IQCM: variants seen among roughly 807,000 people sequenced by gnomAD.
The protein encoded by IQCM is IQ motif containing M, also known as IQ domain-containing protein M.
IQCM carries 45 observed loss-of-function variants against 57.6 expected under a neutral mutation model. The observed-to-expected ratio is 0.78, with a 90% CI of 0.62 to 1.00. The LOEUF is 1.00. Among genes scored for constraint, IQCM ranks in the 50% least tolerant of loss-of-function variants. The pLI is 0.00. For synonymous variants in IQCM, 148 were observed against 158.9 expected (o/e 0.93, Z 0.51); for missense variants, 468 against 511.6 (o/e 0.91, Z 0.82).
At chr4:149,731,489 T>C (rs951174356) in intron 5 of IQCM, among the ~76,000 whole-genome samples, 3 of 152,222 alleles carry the variant, frequency 2.0e-5, no homozygotes, top group East Asian at 3.9e-4. Flanking sequence ...CATTTTGTTA[T>C]AGCAGCAAGA....
chr4:149,791,998 G>A (rs1165744763), intron 2 of IQCM, among the ~76,000 whole-genome samples: 2 of 152,100 alleles, frequency 1.3e-5, no homozygotes, highest in African/African-American at 2.4e-5. Flanking sequence ...GCTAACCAGA[G>A]ACTAAACTGA....
intron 12 of IQCM, among the ~76,000 whole-genome samples, chr4:149,526,637 T>C (rs1746191478): frequency 1.3e-5 from 2 of 151,966 alleles, no homozygotes; most frequent in African/African-American, 4.8e-5. Context: ...GTTTAATGTA[T>C]AAATATACTA....
At chr4:149,766,397 C>G (rs1251055541) in intron 2 of IQCM, among the ~76,000 whole-genome samples, 1 of 152,108 alleles carries the variant, frequency 6.6e-6, no homozygotes, top group African/African-American at 2.4e-5. Flanking sequence ...TAGACTGCTG[C>G]TAAAAATTTC....
intron 9 of IQCM, among the ~76,000 whole-genome samples, chr4:149,574,648 C>G (rs1751472434): frequency 6.6e-6 from 1 of 151,900 alleles, no homozygotes; most frequent in Admixed American, 6.6e-5. Context: ...CTGAGCTTGG[C>G]AAACATTTGA....
chr4:149,661,827 G>T (rs1256499418), intron 7 of IQCM, among the ~76,000 whole-genome samples: 2 of 151,850 alleles, frequency 1.3e-5, no homozygotes, highest in African/African-American at 2.4e-5. Flanking sequence ...ATTTTATTTA[G>T]TTGAGTCTTC....
chr4:149,643,842 G>A lies in IQCM; in HGVS notation c.566-22598C>T, dbSNP rs1758415391. 3.9e-5 allele frequency among the ~76,000 whole-genome samples: 6 copies of A among 152,274 alleles called. No homozygotes were observed. The South Asian group carries it at 1.2e-3, about 32-fold the overall frequency. On this transcript the variant is annotated intron_variant, in intron 7 of 13. Coordinates refer to ENST00000636793, the MANE Select transcript of IQCM (RefSeq NM_001363507.2). ...AATCTCTCCAGTGGGTTACACTTTAGATTCTTGCTTTAATTCCTGGGTTTA... is the reference window on the plus strand; with the variant it reads ...AATCTCTCCAGTGGGTTACACTTTAAATTCTTGCTTTAATTCCTGGGTTTA...
intron 9 of IQCM, among the ~76,000 whole-genome samples, chr4:149,571,499 T>G (rs567489961): frequency 1.3e-5 from 2 of 152,044 alleles, no homozygotes; most frequent in Non-Finnish European, 2.9e-5. Flanking sequence ...GGAGCAGGTG[T>G]TAGGGAGATG....
chr4:149,585,102 C>A (rs1312940444), intron 9 of IQCM, among the ~76,000 whole-genome samples: 1 of 151,596 alleles, frequency 6.6e-6, no homozygotes, highest in Non-Finnish European at 1.5e-5. Flanking sequence ...TTTTCTATAA[C>A]CAAGAAGAGA....
intron 13 of IQCM, among the ~76,000 whole-genome samples, chr4:149,360,671 T>C (rs1729412958): frequency 6.6e-6 from 1 of 152,180 alleles, no homozygotes; most frequent in Admixed American, 6.5e-5. Context: ...TTTTGCTTCT[T>C]CCTCATTTTC....
chr4:149,634,260 C>T (rs985630324), intron 7 of IQCM, among the ~76,000 whole-genome samples: 1 of 152,236 alleles, frequency 6.6e-6, no homozygotes. Flanking sequence ...CTGCCCACCT[C>T]GGCCTCCCAA....
At chr4:149,794,892 A>G (rs2150036965) in intron 2 of IQCM, among the ~76,000 whole-genome samples, 1 of 152,244 alleles carries the variant, frequency 6.6e-6, no homozygotes, top group South Asian at 2.1e-4. Context: ...GGAAACTAAT[A>G]ATTAAGTGAA....
chr4:149,762,518 C>CT, intron 2 of IQCM, among the ~76,000 whole-genome samples: 1 of 152,086 alleles, frequency 6.6e-6, no homozygotes, highest in South Asian at 2.1e-4. Flanking sequence ...AGAGCAGGCC[C>CT]TTACTTACAA....
chr4:149,368,143 T>C (rs6535680), intron 13 of IQCM, among the ~76,000 whole-genome samples: 42,866 of 151,956 alleles, frequency 0.28, 6,202 homozygotes, highest in Middle Eastern at 0.33. Flanking sequence ...TTCTCTTTTA[T>C]ATTCTTTATT....
chr4:149,614,856 C>T (rs1180634930), intron 8 of IQCM, among the ~76,000 whole-genome samples: 1 of 152,208 alleles, frequency 6.6e-6, no homozygotes, highest in East Asian at 1.9e-4. Flanking sequence ...TGTTCTAGGG[C>T]ATCCACAAGT....
At chr4:149,353,772 G>C (rs1041373905) in intron 13 of IQCM, among the ~76,000 whole-genome samples, 2 of 152,112 alleles carry the variant, frequency 1.3e-5, no homozygotes, top group Non-Finnish European at 2.9e-5. Flanking sequence ...GGTTACTAGA[G>C]GTGGAGGATG....
At chr4:149,441,870 C>A (rs888774736) in intron 12 of IQCM, among the ~76,000 whole-genome samples, 1 of 152,042 alleles carries the variant, frequency 6.6e-6, no homozygotes, top group Non-Finnish European at 1.5e-5. Context: ...GTGATTGGGC[C>A]ATGAGGGCAC....
intron 13 of IQCM, among the ~76,000 whole-genome samples, chr4:149,389,953 G>T (rs1731728897): frequency 2.0e-5 from 3 of 151,574 alleles, no homozygotes; most frequent in Admixed American, 6.6e-5. Flanking sequence ...TCTATTTTTG[G>T]TCCCTTGTAT....
intron 12 of IQCM, among the ~76,000 whole-genome samples, chr4:149,437,482 T>C (rs1414898316): frequency 1.3e-5 from 2 of 152,020 alleles, no homozygotes; most frequent in Non-Finnish European, 2.9e-5. Context: ...CTACACCACC[T>C]CTAGTTTTCC....
In IQCM at chr4:149,619,985, C is replaced by T. The variant is rs531266865; in HGVS notation, c.681+1144G>A. ...CAGCCTAACCAATATGGTGAAACCC[C>T]GTCTCTACTAAAAATACAAAAATTA... On this transcript the variant is annotated intron_variant, in intron 8 of 13. Transcript: ENST00000636793. Among the ~76,000 whole-genome samples, 9 of 152,004 alleles carry T rather than the reference C, an allele frequency of 5.9e-5. No homozygotes were observed. In the South Asian group the frequency reaches 1.0e-3, roughly 18 times the overall value.
Sources: allele counts gnomAD v4.1 joint callset (sites outside exome capture counted in the v4.1 genomes callset), GRCh38; gene constraint gnomAD v4.1.1; transcripts MANE v1.5; gene names NCBI Gene and HGNC (gene_info 2026-07-23, HGNC 2026-07-21).